Variants in SHISA9 observed in about 807,000 individuals in gnomAD.
The protein encoded by SHISA9 is protein shisa-9.
A neutral mutation model predicts 38.0 loss-of-function variants in SHISA9; 13 were observed. That is an observed-to-expected ratio of 0.34 (90% CI 0.22 to 0.54). The LOEUF is 0.54. SHISA9 is among the 20% of genes least tolerant of loss of function. The probability of loss-of-function intolerance (pLI) is 0.91; values close to 1 mark genes in which losing one functional copy is unlikely to be tolerated. For synonymous variants in SHISA9, 275 were observed against 242.0 expected (o/e 1.14, Z -1.27); for missense variants, 538 against 575.8 (o/e 0.93, Z 0.67).
intron 2 of SHISA9, among the ~76,000 whole-genome samples, chr16:12,942,514 T>C (rs1280944685): frequency 2.6e-5 from 4 of 152,240 alleles, no homozygotes; most frequent in Admixed American, 2.6e-4. Context: ...CATCCCATTA[T>C]TGAATTCGCT....
chr16:13,160,720 A>G (rs1245945348), intron 2 of SHISA9, among the ~76,000 whole-genome samples: 1 of 152,232 alleles, frequency 6.6e-6, no homozygotes, highest in African/African-American at 2.4e-5. Context: ...TTAAAGGCAC[A>G]GCCCTCTGGA....
At chr16:13,018,214 T>C (rs1199222227) in intron 2 of SHISA9, among the ~76,000 whole-genome samples, 1 of 152,196 alleles carries the variant, frequency 6.6e-6, no homozygotes, top group Admixed American at 6.5e-5. Context: ...GTGGGTAGGG[T>C]TTATTCGGCT....
At chr16:13,411,993 T>C in the SHISA9 span, among the ~76,000 whole-genome samples, 1 of 151,784 alleles carries the variant, frequency 6.6e-6, no homozygotes, top group Non-Finnish European at 1.5e-5. Context: ...AAAAAATTTT[T>C]CAGAGGGGGA....
chr16:13,232,038 A>G (rs2051336377), intron 4 of SHISA9, among the ~76,000 whole-genome samples: 1 of 152,242 alleles, frequency 6.6e-6, no homozygotes, highest in Admixed American at 6.5e-5. Context: ...CCCTGTAAGG[A>G]GGAGAATCAG....
intron 2 of SHISA9, among the ~76,000 whole-genome samples, chr16:13,116,576 G>T (rs1241590514): frequency 6.6e-6 from 1 of 152,184 alleles, no homozygotes; most frequent in Non-Finnish European, 1.5e-5. Context: ...GTGAGCCTGT[G>T]CCTAGAAACC....
At chr16:13,121,486 C>G (rs2050210091) in intron 2 of SHISA9, among the ~76,000 whole-genome samples, 1 of 152,090 alleles carries the variant, frequency 6.6e-6, no homozygotes, top group Non-Finnish European at 1.5e-5. Flanking sequence ...AGCAAGAACC[C>G]ATCTCGAAAA....
At position 13,044,816 on chromosome 16, in the gene SHISA9, C is replaced by G. The variant is rs559138857; in HGVS notation, c.691+128001C>G. On this transcript the variant is annotated intron_variant, in intron 2 of 4. Coordinates refer to ENST00000558583, the MANE Select transcript of SHISA9 (RefSeq NM_001145204.3). ...ATCTTGGATGGTAGCTAAGTGATCA[C>G]TTAAAGCCCTTTTATATAGTCTTCT... Among the ~76,000 whole-genome samples, 8 of 152,348 alleles carry G rather than the reference C, an allele frequency of 5.3e-5. No homozygotes were observed. In the South Asian group the frequency reaches 1.2e-3, roughly 24 times the overall value.
the SHISA9 span, among the ~76,000 whole-genome samples, chr16:13,444,841 C>T: frequency 6.6e-6 from 1 of 151,186 alleles, no homozygotes; most frequent in East Asian, 2.0e-4. Flanking sequence ...CTCCTCTTTT[C>T]TGCTCTTGCT....
chr16:13,263,050 A>G, the SHISA9 span, among the ~76,000 whole-genome samples: 1 of 152,154 alleles, frequency 6.6e-6, no homozygotes, highest in Non-Finnish European at 1.5e-5. Flanking sequence ...TTGCAACGTA[A>G]CTATTCATTC....
intron 2 of SHISA9, among the ~76,000 whole-genome samples, chr16:13,106,972 C>CTCTCTCACGT (rs749826952): frequency 2.5e-3 from 157 of 61,972 alleles, no homozygotes; most frequent in Admixed American, 6.7e-3. Flanking sequence ...CACGTTCTCT[C>CTCTCTCACGT]TCTCTCTCTC....
rs2051422973 is a variant in SHISA9, at chr16:13,240,150, T to A, written c.*4741T>A. 1 of 152,256 alleles carries A rather than the reference T, an allele frequency of 6.6e-6. No homozygotes were observed. The highest frequency in any genetic ancestry group is 6.5e-5 in the Admixed American group (1 of 15,280). The allele number at this position is 152,256 out of a possible 1,614,324, so 9.4% of individuals were successfully genotyped here. On this transcript the variant is annotated 3_prime_UTR_variant, in exon 5 of 5. Coordinates refer to ENST00000558583, the MANE Select transcript of SHISA9 (RefSeq NM_001145204.3). ...GTCTCAGCCTCCATCTGCCTTGGGC[T>A]CCGCCTGGCCTCCCCATCTAACTCT...
chr16:13,136,584 G>A (rs535381464), intron 2 of SHISA9, among the ~76,000 whole-genome samples: 498 of 151,912 alleles, frequency 3.3e-3, no homozygotes, highest in Middle Eastern at 0.017. Flanking sequence ...GTTTTTAGTA[G>A]AGAAGGGGTT....
the SHISA9 span, among the ~76,000 whole-genome samples, chr16:13,394,957 G>GTC: frequency 6.8e-6 from 1 of 146,384 alleles, no homozygotes; most frequent in East Asian, 1.9e-4. Context: ...GTGTGTGTGT[G>GTC]TGTGTGTGTG....
At chr16:12,968,349 C>G (rs1472849508) in intron 2 of SHISA9, among the ~76,000 whole-genome samples, 1 of 151,952 alleles carries the variant, frequency 6.6e-6, no homozygotes, top group Non-Finnish European at 1.5e-5. Context: ...ATGAGAACCA[C>G]TGACCTAAAT....
At chr16:13,204,690 G>A (rs1567247673) in intron 3 of SHISA9, 1 of 152,248 alleles carries the variant, frequency 6.6e-6, no homozygotes, top group Non-Finnish European at 1.5e-5. Context: ...CTTACCAAGT[G>A]CAAGACATTG....
intron 2 of SHISA9, among the ~76,000 whole-genome samples, chr16:12,991,101 G>T (rs1411683692): frequency 6.6e-6 from 1 of 152,010 alleles, no homozygotes; most frequent in Non-Finnish European, 1.5e-5. Flanking sequence ...GTTTTAATTG[G>T]TATTCTTTTT....
chr16:13,365,535 C>T, the SHISA9 span, among the ~76,000 whole-genome samples: 1 of 147,586 alleles, frequency 6.8e-6, no homozygotes, highest in South Asian at 2.2e-4. Context: ...TGGCTCACTG[C>T]AACCTCCGCC....
At chr16:12,987,577 C>T (rs2141829104) in intron 2 of SHISA9, among the ~76,000 whole-genome samples, 1 of 152,196 alleles carries the variant, frequency 6.6e-6, no homozygotes, top group East Asian at 1.9e-4. Flanking sequence ...GGGAACAACA[C>T]ACACCAGGGC....
At chr16:13,103,895 T>C (rs1445299785) in intron 2 of SHISA9, among the ~76,000 whole-genome samples, 1 of 152,172 alleles carries the variant, frequency 6.6e-6, no homozygotes, top group Non-Finnish European at 1.5e-5. Context: ...TTCCAGAGCA[T>C]TGGAAAGAAG....
Sources: allele counts gnomAD v4.1 joint callset (sites outside exome capture counted in the v4.1 genomes callset), GRCh38; gene constraint gnomAD v4.1.1; transcripts MANE v1.5; gene names NCBI Gene and HGNC (gene_info 2026-07-23, HGNC 2026-07-21).